SIX5: variants seen among roughly 807,000 people sequenced by gnomAD.
SIX5 encodes SIX homeobox 5, also known as homeobox protein SIX5.
In SIX5, 21 loss-of-function variants were observed where a neutral mutation model predicts 37.1. The observed-to-expected ratio is 0.57, with a 90% confidence interval of 0.40 to 0.81. The LOEUF is 0.81. Ranked by LOEUF, SIX5 falls within the 40% of genes least tolerant of loss-of-function variation. The probability of loss-of-function intolerance (pLI) is 0.00; values close to 1 mark genes in which losing one functional copy is unlikely to be tolerated. For synonymous variants in SIX5, 626 were observed against 505.9 expected (o/e 1.24, Z -3.19); for missense variants, 1,137 against 1,025.1 (o/e 1.11, Z -1.49).
rs1220812729 is a variant in SIX5 at position 45,767,690 on chromosome 19, G to C, written c.803+352C>G. ...GTAAGAGTAACGGTCAGTGAAGAAA[G>C]GGGGCTGGGAGGCAGCCCCTACGCG... On this transcript the variant is annotated intron_variant, in intron 1 of 2. Transcript: ENST00000317578. 1.3e-5 allele frequency: 5 copies of C among 372,148 alleles called. No individual in the cohort carries two copies. In the East Asian group the frequency reaches 1.4e-4, roughly 11 times the overall value. 23.1% of individuals were successfully genotyped at this position (372,148 alleles called of 1,614,324 possible).
chr19:45,765,841 G>A lies in SIX5; in HGVS notation c.1880C>T (p.Ala627Val). The A allele has an allele frequency of 1.2e-6, 2 of 1,600,794 alleles. No individual in the cohort carries two copies. The highest frequency in any genetic ancestry group is 1.1e-5 in the South Asian group (1 of 91,044). The change falls in exon 3 of 3, where the codon GCC becomes GTC. Residue 627 changes from alanine to valine, a missense_variant. Physicochemically the swap from Ala to Val is moderately conservative, Grantham distance 64. Around this residue, in one of 3 missense-constraint regions of SIX5, gnomAD observed 787 missense variants for 621.4 expected, o/e 1.27. Coordinates refer to ENST00000317578, the MANE Select transcript of SIX5 (RefSeq NM_175875.5). ...GGGCAGGCTGGTGCTGGAGGTGGTG[G>A]CAGCGGCGGGGGGTGGCTGCTGTGC... ...LSAQQPPPAA[A>V]TTSSTSLPFS...
chr19:45,767,319 G>T (rs976247137), intron 1 of SIX5, among the ~76,000 whole-genome samples, 164 bp from the exon 2 acceptor site: 1 of 152,210 alleles, frequency 6.6e-6, no homozygotes, highest in Non-Finnish European at 1.5e-5. Context: ...CCTTTTGCAA[G>T]CCCTGCGTGG....
At chr19:45,767,666 T>G in intron 1 of SIX5, 1 of 314,176 alleles carries the variant, frequency 3.2e-6, no homozygotes, top group Non-Finnish European at 5.9e-6. Context: ...GGCGGGTGGG[T>G]AAGAGTAACG....
Position 45,768,921 on chromosome 19 carries a change from C to T in SIX5, c.-77G>A. 4 of 1,322,062 alleles carry T rather than the reference C, an allele frequency of 3.0e-6. No homozygotes were observed. Among genetic ancestry groups the T allele is most frequent in the Non-Finnish European group, 4.1e-6 (4 of 979,888 alleles). 81.9% of individuals were successfully genotyped at this position (1,322,062 alleles called of 1,614,324 possible). A position where few individuals can be genotyped will look rare whatever the true frequency, so the allele number is the denominator to read the frequency against. On this transcript the variant is annotated 5_prime_UTR_variant, in exon 1 of 3. Transcript: ENST00000317578. ...TCCCCAGCCTCCTCCCCCACCTGTC[C>T]CCCCTTTTCGCCCCCACTCCCCGCT...
At position 45,766,912 on chromosome 19, in the gene SIX5, G is replaced by C; in HGVS notation, c.1047C>G (p.Ala349=). The change falls in exon 2 of 3, where the codon GCC becomes GCG. Residue 349 remains alanine (A), a synonymous_variant. Coordinates refer to ENST00000317578, the MANE Select transcript of SIX5 (RefSeq NM_175875.5). ...GGCCCAGGCTGGAGGCCTCGCCCAG[G>C]GCCAGGCCGTTGATGATGACGGGGC... ...NGGPVIINGL[A]LGEASSLGPL... is the part of the protein sequence containing the mutation. 1.3e-6 allele frequency: 2 copies of C among 1,558,150 alleles called. No homozygotes were observed. The highest frequency in any genetic ancestry group is 1.7e-6 in the Non-Finnish European group (2 of 1,154,348).
chr19:45,766,179 G>T (rs1568564002), intron 2 of SIX5, 68 bp from the exon 3 acceptor site: 12 of 1,564,450 alleles, frequency 7.7e-6, no homozygotes, highest in Non-Finnish European at 1.0e-5. Context: ...GAGAAGTGGA[G>T]ACTGTGCAGC....
At position 45,768,976 on chromosome 19, in the gene SIX5, C is replaced by T; in HGVS notation, c.-132G>A. On this transcript the variant is annotated 5_prime_UTR_variant, in exon 1 of 3. Transcript: ENST00000317578. ...TCGATCTTCTTTCTGGCCGACCCTG[C>T]GCCCCACGCCGGGAAGGCGAGATCC... 1 of 881,548 alleles carries T rather than the reference C, an allele frequency of 1.1e-6. No individual in the cohort carries two copies. The highest frequency in any genetic ancestry group is 3.1e-5 in the East Asian group (1 of 32,428). 54.6% of individuals were successfully genotyped at this position (881,548 alleles called of 1,614,324 possible). A position where few individuals can be genotyped will look rare whatever the true frequency, so the allele number is the denominator to read the frequency against.
At position 45,768,747 on chromosome 19, in the gene SIX5, C is replaced by T; in HGVS notation, c.98G>A (p.Arg33His). 1 of 1,518,764 alleles carries T rather than the reference C, an allele frequency of 6.6e-7. No homozygotes were observed. The highest frequency in any genetic ancestry group is 8.8e-7 in the Non-Finnish European group (1 of 1,139,466). 94.1% of individuals were successfully genotyped at this position (1,518,764 alleles called of 1,614,324 possible). ...CGCCTGCAAAGTCTGCAAGAGCTGG[C>T]GCGCTTCCTCCTCCTCCTCTTCGGT... Reference protein sequence around the residue: ...AATEEEEEEARQLLQTLQAAE... With the variant: ...AATEEEEEEAHQLLQTLQAAE... The change falls in exon 1 of 3, where the codon CGC (arginine) becomes CAC (histidine). Residue 33 changes from arginine (R) to histidine (H), a missense_variant. This residue lies in a region of SIX5 where 331 missense variants were observed against 360.9 expected (regional missense o/e 0.92). Transcript: ENST00000317578.
chr19:45,768,684 G>A lies in SIX5; in HGVS notation c.161C>T (p.Ala54Val), dbSNP rs1343240837. 87 of 1,180,970 alleles carry A rather than the reference G, an allele frequency of 7.4e-5. No individual in the cohort carries two copies. The highest frequency in any genetic ancestry group is 8.3e-5 in the Non-Finnish European group (80 of 958,698). The allele number at this position is 1,180,970 out of a possible 1,614,324, so 73.2% of individuals were successfully genotyped here. A position where few individuals can be genotyped will look rare whatever the true frequency, so the allele number is the denominator to read the frequency against. The part of the protein sequence containing the change: ...GEAAAAAGAG[A>V]GAAAAGAEGP... Reference sequence around the variant, plus strand: ...CTCAGCTCCCGCAGCCGCTGCGCCCGCCCCGGCCCCGGCCGCCGCCGCCGC... The same window carrying A: ...CTCAGCTCCCGCAGCCGCTGCGCCCACCCCGGCCCCGGCCGCCGCCGCCGC... Residue 54 changes from alanine to valine, a missense_variant, in exon 1 of 3, where the codon GCG becomes GTG. By Grantham distance (64) the Ala-to-Val change is moderately conservative. Transcript: ENST00000317578.
chr19:45,768,622 C>T lies in SIX5; in HGVS notation c.223G>A (p.Glu75Lys). 1 of 1,199,906 alleles carries T rather than the reference C, an allele frequency of 8.3e-7. No individual in the cohort carries two copies. Among genetic ancestry groups the T allele is most frequent in the Non-Finnish European group, 1.0e-6 (1 of 970,496 alleles). 74.3% of individuals were successfully genotyped at this position (1,199,906 alleles called of 1,614,324 possible). A position where few individuals can be genotyped will look rare whatever the true frequency, so the allele number is the denominator to read the frequency against. The change falls in exon 1 of 3, where the codon GAG (glutamate) becomes AAG (lysine). Residue 75 changes from glutamate (E) to lysine (K), a missense_variant. By Grantham distance (56) the Glu-to-Lys change is moderately conservative. This residue lies in a region of SIX5 where 331 missense variants were observed against 360.9 expected (regional missense o/e 0.92). Transcript: ENST00000317578. ...GSPGVPGSPPEAASEPPTGLR... is the reference protein window; with the variant it reads ...GSPGVPGSPPKAASEPPTGLR... ...CCCGTGGGCGGTTCGGAAGCGGCCT[C>T]GGGGGGCGACCCGGGGACGCCCGGG... is the stretch of plus-strand genomic sequence containing the variant.
Position 45,765,190 on chromosome 19 carries a change from G to A in SIX5, c.*311C>T, listed in dbSNP as rs887739217. On this transcript the variant is annotated 3_prime_UTR_variant, in exon 3 of 3. Transcript: ENST00000317578. ...GTCCGGCCCTGGGGCAGGGTGTTCCGCTTACAGCTAGTACCAAGTGGAGGG... is the reference window on the plus strand; with the variant it reads ...GTCCGGCCCTGGGGCAGGGTGTTCCACTTACAGCTAGTACCAAGTGGAGGG... 11 of 494,426 alleles carry A rather than the reference G, an allele frequency of 2.2e-5. No individual in the cohort carries two copies. Among genetic ancestry groups the A allele is most frequent in the Admixed American group, 9.8e-5 (3 of 30,624 alleles). The allele number at this position is 494,426 out of a possible 1,614,324, so 30.6% of individuals were successfully genotyped here.
chr19:45,766,876 G>T lies in SIX5; in HGVS notation c.1083C>A (p.Leu361=). ...GEASSLGPLL[L]TGGGGAPPPQ... The stretch of plus-strand genomic sequence containing the variant: ...GTGGAGGGGCACCCCCGCCCCCAGT[G>T]AGCAGCAGCGGGCCCAGGCTGGAGG... The change falls in exon 2 of 3, where the codon CTC becomes CTA. Residue 361 remains leucine, a synonymous_variant. Coordinates refer to ENST00000317578, the MANE Select transcript of SIX5 (RefSeq NM_175875.5). 6.5e-7 allele frequency: 1 copy of T among 1,547,410 alleles called. No homozygotes were observed.
rs1969167468 is a variant in SIX5, at chr19:45,769,045, C to T, written c.-201G>A. 3 of 541,066 alleles carry T rather than the reference C, an allele frequency of 5.5e-6. No individual in the cohort carries two copies. Among genetic ancestry groups the T allele is most frequent in the Admixed American group, 3.2e-5 (1 of 31,106 alleles). 33.5% of individuals were successfully genotyped at this position (541,066 alleles called of 1,614,324 possible). A position where few individuals can be genotyped will look rare whatever the true frequency, so the allele number is the denominator to read the frequency against. ...CTGTCCCCTTGTGTGTGTCCGTCCC[C>T]CTCCCGTCTGTCTGTGATTCTCCCT... is the stretch of plus-strand genomic sequence containing the variant. On this transcript the variant is annotated 5_prime_UTR_variant, in exon 1 of 3. Transcript: ENST00000317578.
At chr19:45,767,238 C>T (rs1372345155) in intron 1 of SIX5, 83 bp from the exon 2 acceptor site, 1 of 1,436,688 alleles carries the variant, frequency 7.0e-7, no homozygotes. Flanking sequence ...CCCCACCTTT[C>T]CCTGGCCCAA....
Position 45,765,448 on chromosome 19 carries a change from T to C in SIX5, c.*53A>G. On this transcript the variant is annotated 3_prime_UTR_variant, in exon 3 of 3. Transcript: ENST00000317578. ...TTCTGGGGCTCCCCCCTCCCATTCC[T>C]GTCCCTGCGTCTTCAGCACCAATGT... 4 of 1,611,644 alleles carry C rather than the reference T, an allele frequency of 2.5e-6. No homozygotes were observed. Among genetic ancestry groups the C allele is most frequent in the Non-Finnish European group, 3.4e-6 (4 of 1,179,690 alleles).
At position 45,768,918 on chromosome 19, in the gene SIX5, G is replaced by GC. The variant is rs1969160882; in HGVS notation, c.-75_-74insG. 1 of 1,173,056 alleles carries GC rather than the reference G, an allele frequency of 8.5e-7. No homozygotes were observed. The highest frequency in any genetic ancestry group is 2.6e-5 in the African/African-American group (1 of 38,770). 72.7% of individuals were successfully genotyped at this position (1,173,056 alleles called of 1,614,324 possible). A position where few individuals can be genotyped will look rare whatever the true frequency, so the allele number is the denominator to read the frequency against. On this transcript the variant is annotated 5_prime_UTR_variant, in exon 1 of 3. Transcript: ENST00000317578. Reference sequence around the variant, plus strand: ...CTTTCCCCAGCCTCCTCCCCCACCTGTCCCCCCTTTTCGCCCCCACTCCCC... The same window carrying GC: ...CTTTCCCCAGCCTCCTCCCCCACCTGCTCCCCCCTTTTCGCCCCCACTCCCC...
In SIX5 at chr19:45,766,590, A is replaced by C; in HGVS notation, c.1369T>G (p.Ser457Ala). The stretch of plus-strand genomic sequence containing the variant: ...CCCGTGGGATACCCCGGGGGTGGGG[A>C]GAGCGGTACCACTTGTGGGGCAGCC... ...AVAAPQVVPLSPPPGYPTGLS... is the reference protein window; with the variant it reads ...AVAAPQVVPLAPPPGYPTGLS... The change falls in exon 2 of 3, where the codon TCC becomes GCC. Residue 457 changes from serine to alanine, a missense_variant. This residue lies in a region of SIX5 where 787 missense variants were observed against 621.4 expected (regional missense o/e 1.27). Coordinates refer to ENST00000317578, the MANE Select transcript of SIX5 (RefSeq NM_175875.5). The C allele has an allele frequency of 6.8e-7, 1 of 1,467,762 alleles. No homozygotes were observed. The highest frequency in any genetic ancestry group is 1.4e-5 in the South Asian group (1 of 71,838). The allele number at this position is 1,467,762 out of a possible 1,614,324, so 90.9% of individuals were successfully genotyped here. A position where few individuals can be genotyped will look rare whatever the true frequency, so the allele number is the denominator to read the frequency against.
At position 45,768,742 on chromosome 19, in the gene SIX5, G is replaced by A; in HGVS notation, c.103C>T (p.Leu35Phe). 1 of 1,517,534 alleles carries A rather than the reference G, an allele frequency of 6.6e-7. No individual in the cohort carries two copies. The allele number at this position is 1,517,534 out of a possible 1,614,324, so 94.0% of individuals were successfully genotyped here. ...TEEEEEEARQ[L>F]LQTLQAAEGE... is the part of the protein sequence containing the mutation. ...TCGGCCGCCTGCAAAGTCTGCAAGA[G>A]CTGGCGCGCTTCCTCCTCCTCCTCT... Residue 35 changes from leucine (L) to phenylalanine (F), a missense_variant, in exon 1 of 3, where the codon CTC becomes TTC. Physicochemically the swap from Leu to Phe is conservative, Grantham distance 22. This residue lies in a region of SIX5 where 331 missense variants were observed against 360.9 expected (regional missense o/e 0.92). Transcript: ENST00000317578.
At position 45,766,394 on chromosome 19, in the gene SIX5, C is replaced by T. The variant is rs1470669540; in HGVS notation, c.1565G>A (p.Gly522Glu). Residue 522 changes from glycine (G) to glutamate (E), a missense_variant, in exon 2 of 3, where the codon GGG (glycine) becomes GAG (glutamate). Transcript: ENST00000317578. Reference sequence around the variant, plus strand: ...CAGCTGCAGGGCAGTCACGCCCACCCCGGAGTTGATGAGGTGCACATTGGC... The same window carrying T: ...CAGCTGCAGGGCAGTCACGCCCACCTCGGAGTTGATGAGGTGCACATTGGC... ...GPANVHLINS[G>E]VGVTALQLPS... is the part of the protein sequence containing the mutation. 1.9e-6 allele frequency: 3 copies of T among 1,589,324 alleles called. No homozygotes were observed. The highest frequency in any genetic ancestry group is 1.3e-5 in the African/African-American group (1 of 74,468).
Sources: gnomAD v4.1 joint callset for allele counts (sites outside exome capture counted in the v4.1 genomes callset) on GRCh38, gnomAD v4.1.1 for gene constraint, gnomAD v4.1.1 regional missense constraint, MANE v1.5 for transcripts, NCBI Gene and HGNC (gene_info 2026-07-23, HGNC 2026-07-21) for gene names.